Variants in PCSK5 observed in about 807,000 individuals in gnomAD.
PCSK5 encodes proprotein convertase subtilisin/kexin type 5, also known as prohormone convertase 5.
A neutral mutation model predicts 233.2 loss-of-function variants in PCSK5; 129 were observed. The ratio of observed to expected loss-of-function variants is 0.55; its 90% CI spans 0.48 to 0.64. The LOEUF (loss-of-function observed/expected upper bound fraction) is 0.64, where lower values mean the gene tolerates loss of function less well. PCSK5 is among the 30% of genes least tolerant of loss of function. The probability of loss-of-function intolerance (pLI) is 0.00; values close to 1 mark genes in which losing one functional copy is unlikely to be tolerated. For synonymous variants in PCSK5, 825 were observed against 879.2 expected (o/e 0.94, Z 1.09); for missense variants, 2,076 against 2,430.1 (o/e 0.85, Z 3.06).
At chr9:75,952,043 GATGCTACC>G (rs1488012886) in intron 2 of PCSK5, among the ~76,000 whole-genome samples, 4 of 152,032 alleles carry the variant, frequency 2.6e-5, no homozygotes, top group Admixed American at 6.6e-5. Flanking sequence ...TAACCACCTA[GATGCTACC>G]ATTAGCATTC....
chr9:76,312,910 A>G (rs928370999), intron 30 of PCSK5, among the ~76,000 whole-genome samples: 6 of 152,182 alleles, frequency 3.9e-5, no homozygotes, highest in Non-Finnish European at 8.8e-5. Context: ...CAATCCACTA[A>G]GGGAGGTTTA....
intron 35 of PCSK5, among the ~76,000 whole-genome samples, chr9:76,338,719 C>T (rs565989407): frequency 1.3e-5 from 2 of 152,286 alleles, no homozygotes; most frequent in South Asian, 4.1e-4. Context: ...TCATCATTTT[C>T]CTACTCTACC....
Position 75,895,331 on chromosome 9 carries a change from C to T in PCSK5, c.192+3958C>T, listed in dbSNP as rs117251488. Among the ~76,000 whole-genome samples, 162 of 152,102 alleles carry T rather than the reference C, an allele frequency of 1.1e-3. 4 individuals are homozygous for T. The East Asian group carries it at 0.027, about 25-fold the overall frequency. ...GCTCAGCACATAGTTAGGCTTGCAG[C>T]GAAAGGTTTGTTTAATCTGAATCTG... On this transcript the variant is annotated intron_variant, in intron 1 of 37. Transcript: ENST00000674117.
intron 35 of PCSK5, among the ~76,000 whole-genome samples, chr9:76,349,076 C>T (rs983204279): frequency 1.5e-4 from 22 of 151,194 alleles, no homozygotes; most frequent in African/African-American, 5.1e-4. Flanking sequence ...TCGAGACCAT[C>T]CTGGCTAACA....
intron 5 of PCSK5, among the ~76,000 whole-genome samples, chr9:76,065,030 A>G (rs1830233239): frequency 6.6e-6 from 1 of 152,224 alleles, no homozygotes; most frequent in Non-Finnish European, 1.5e-5. Flanking sequence ...TTGTGTACAT[A>G]TACCACATTT....
At chr9:76,153,104 A>G (rs1823740962) in intron 10 of PCSK5, among the ~76,000 whole-genome samples, 1 of 152,158 alleles carries the variant, frequency 6.6e-6, no homozygotes, top group Non-Finnish European at 1.5e-5. Context: ...ACCTCAACTG[A>G]TATCTTATAC....
chr9:76,354,469 A>G (rs929118510), intron 37 of PCSK5, among the ~76,000 whole-genome samples: 3 of 152,188 alleles, frequency 2.0e-5, no homozygotes, highest in African/African-American at 7.2e-5. Context: ...CCAAGTCCAT[A>G]CCAATATTAA....
At chr9:76,351,447 G>GGAGAGAAAGAAAGAAA (rs1830123074) in intron 36 of PCSK5, among the ~76,000 whole-genome samples, 1 of 27,460 alleles carries the variant, frequency 3.6e-5, no homozygotes, top group African/African-American at 1.1e-4. Flanking sequence ...GTGAAAGAAA[G>GGAGAGAAAGAAAGAAA]GAAAGAAAGA....
At chr9:76,357,824 G>T (rs570461173) in intron 37 of PCSK5, among the ~76,000 whole-genome samples, 1 of 152,294 alleles carries the variant, frequency 6.6e-6, no homozygotes, top group Admixed American at 6.5e-5. Flanking sequence ...AATTTCTAAG[G>T]CCCCACATGG....
At chr9:75,937,171 A>G (rs1397904307) in intron 2 of PCSK5, among the ~76,000 whole-genome samples, 1 of 146,560 alleles carries the variant, frequency 6.8e-6, no homozygotes, top group Non-Finnish European at 1.5e-5. Flanking sequence ...GACTAGATTT[A>G]GCATAATTCT....
rs79434218 is a variant in PCSK5, at chr9:75,939,768, T to A, written c.297+7285T>A. ...AGCTTCCCCTTTTTCCCATTAGATT[T>A]TATCTTGAAGGTTCTAGCCTATCAA... On this transcript the variant is annotated intron_variant, in intron 2 of 37. Transcript: ENST00000674117. 5.6e-3 allele frequency among the ~76,000 whole-genome samples: 859 copies of A among 152,352 alleles called. 9 individuals are homozygous for A. Among genetic ancestry groups the A allele is most frequent in the African/African-American group, 0.02 (830 of 41,578 alleles).
chr9:75,904,333 C>T (rs572143588), intron 1 of PCSK5, among the ~76,000 whole-genome samples: 6 of 152,000 alleles, frequency 3.9e-5, no homozygotes, highest in East Asian at 3.9e-4. Flanking sequence ...TGAGGGACAC[C>T]GTGAAGAAAG....
At chr9:76,230,981 T>C (rs1163916446) in intron 21 of PCSK5, among the ~76,000 whole-genome samples, 2 of 152,140 alleles carry the variant, frequency 1.3e-5, no homozygotes, top group African/African-American at 4.8e-5. Flanking sequence ...AACCATCCTC[T>C]GCCCCCCATT....
chr9:76,168,064 A>C (rs746117300), intron 12 of PCSK5, among the ~76,000 whole-genome samples: 1 of 152,230 alleles, frequency 6.6e-6, no homozygotes, highest in South Asian at 2.1e-4. Flanking sequence ...ACTTTCCACT[A>C]TGTAGGTTTC....
chr9:76,032,142 A>T (rs1349874059), intron 5 of PCSK5, among the ~76,000 whole-genome samples: 2 of 152,206 alleles, frequency 1.3e-5, no homozygotes, highest in Non-Finnish European at 1.5e-5. Flanking sequence ...ATTTGTAATT[A>T]TCATCAGAAT....
intron 24 of PCSK5, among the ~76,000 whole-genome samples, chr9:76,279,533 T>G (rs1321321618): frequency 6.6e-6 from 1 of 151,968 alleles, no homozygotes; most frequent in Non-Finnish European, 1.5e-5. Context: ...CCACCAACAG[T>G]GTAAAAATGT....
intron 7 of PCSK5, among the ~76,000 whole-genome samples, chr9:76,093,824 T>C (rs1831398680): frequency 6.6e-6 from 1 of 152,164 alleles, no homozygotes; most frequent in Non-Finnish European, 1.5e-5. Context: ...TTCCCTCTGG[T>C]ATGTTGTTGT....
intron 2 of PCSK5, among the ~76,000 whole-genome samples, chr9:75,939,922 G>T (rs1013883369): frequency 6.6e-6 from 1 of 152,116 alleles, no homozygotes; most frequent in Non-Finnish European, 1.5e-5. Flanking sequence ...CGCTCCCTAC[G>T]TTCACCTCAG....
At chr9:75,946,605 T>A (rs1158203626) in intron 2 of PCSK5, among the ~76,000 whole-genome samples, 1 of 152,218 alleles carries the variant, frequency 6.6e-6, no homozygotes, top group East Asian at 1.9e-4. Context: ...ATTTCTTTTT[T>A]TGAGACAGAG....
Sources: allele counts gnomAD v4.1 joint callset (sites outside exome capture counted in the v4.1 genomes callset), GRCh38; gene constraint gnomAD v4.1.1; transcripts MANE v1.5; gene names NCBI Gene and HGNC (gene_info 2026-07-23, HGNC 2026-07-21).